The following SDK1 variants were observed in gnomAD, a reference collection of about 807,000 sequenced individuals.
SDK1 encodes protein sidekick-1.
A neutral mutation model predicts 245.5 loss-of-function variants in SDK1; 157 were observed. The ratio of observed to expected loss-of-function variants is 0.64; its 90% CI spans 0.56 to 0.73. SDK1 has a LOEUF of 0.73. Ranked by LOEUF, SDK1 falls within the 30% of genes least tolerant of loss-of-function variation. The pLI is 0.00. For synonymous variants in SDK1, 1,647 were observed against 1,278.5 expected, an observed-to-expected ratio of 1.29 and a Z score of -6.15; for missense variants, 3,583 against 3,002.3, an observed-to-expected ratio of 1.19 and a Z score of -4.52.
chr7:4,240,619 G>A (rs11770194), intron 42 of SDK1, among the ~76,000 whole-genome samples: 10,620 of 152,220 alleles, frequency 0.07, 459 homozygotes, highest in East Asian at 0.15. Context: ...AAATGCCAAC[G>A]CACTTAGCAA....
At chr7:4,242,992 G>A (rs1786626653) in intron 43 of SDK1, among the ~76,000 whole-genome samples, 1 of 152,224 alleles carries the variant, frequency 6.6e-6, no homozygotes, top group Non-Finnish European at 1.5e-5. Context: ...AGGGCTGGAG[G>A]TGGATGCTGG....
chr7:3,807,636 C>A (rs530934941), intron 4 of SDK1, among the ~76,000 whole-genome samples: 70 of 152,216 alleles, frequency 4.6e-4, no homozygotes, highest in Middle Eastern at 3.4e-3. Flanking sequence ...CTGTTAACCT[C>A]ACAACAAAGG....
At chr7:3,571,562 C>A (rs1477468162) in intron 1 of SDK1, among the ~76,000 whole-genome samples, 1 of 152,064 alleles carries the variant, frequency 6.6e-6, no homozygotes, top group African/African-American at 2.4e-5. Context: ...GCCTTAGCCT[C>A]CCAAAGTGTG....
At chr7:4,201,265 G>A (rs1393742360) in intron 35 of SDK1, among the ~76,000 whole-genome samples, 2 of 152,142 alleles carry the variant, frequency 1.3e-5, no homozygotes, top group East Asian at 1.9e-4. Context: ...AAGGCCTCCC[G>A]AGCTGCAGAG....
intron 20 of SDK1, among the ~76,000 whole-genome samples, chr7:4,069,349 C>G (rs1435565731): frequency 6.6e-6 from 1 of 152,232 alleles, no homozygotes; most frequent in Non-Finnish European, 1.5e-5. Context: ...GCCACTTAAT[C>G]TTCTTCTCTG....
At chr7:3,497,673 G>A (rs1365133799) in intron 1 of SDK1, among the ~76,000 whole-genome samples, 1 of 152,122 alleles carries the variant, frequency 6.6e-6, no homozygotes. Context: ...GTAGTAAGAT[G>A]GAGTAAAAGA....
chr7:3,934,890 C>T (rs1780101977), intron 5 of SDK1, among the ~76,000 whole-genome samples: 1 of 152,192 alleles, frequency 6.6e-6, no homozygotes, highest in Admixed American at 6.5e-5. Context: ...GAGCATTCAT[C>T]AGTGTGGTGA....
intron 5 of SDK1, among the ~76,000 whole-genome samples, chr7:3,879,935 T>C (rs1403931955): frequency 6.6e-6 from 1 of 152,124 alleles, no homozygotes; most frequent in African/African-American, 2.4e-5. Flanking sequence ...ATTTTTTTTT[T>C]CCTGCAGAAT....
chr7:3,472,323 G>A (rs373362690), intron 1 of SDK1, among the ~76,000 whole-genome samples: 1 of 151,992 alleles, frequency 6.6e-6, no homozygotes, highest in African/African-American at 2.4e-5. Flanking sequence ...TACTCATTTT[G>A]TGCAATTTTA....
intron 31 of SDK1, among the ~76,000 whole-genome samples, chr7:4,158,853 G>A (rs919939934): frequency 6.6e-6 from 1 of 152,238 alleles, no homozygotes; most frequent in Non-Finnish European, 1.5e-5. Flanking sequence ...TCAGCGGGTA[G>A]CTGGGTTTTA....
rs145855018 is a variant in SDK1, at chr7:3,415,470, G to A, written c.298+113586G>A. 3.4e-4 allele frequency among the ~76,000 whole-genome samples: 52 copies of A among 151,950 alleles called. No homozygotes were observed. In the East Asian group the frequency reaches 4.2e-3, roughly 12 times the overall value. ...AATGAGAAGTAGATTAAAAAACAAC[G>A]GTGAAAAATGATTAAAAAACAATGA... On this transcript the variant is annotated intron_variant, in intron 1 of 44. Coordinates refer to ENST00000404826, the MANE Select transcript of SDK1 (RefSeq NM_152744.4).
In SDK1 at chr7:3,971,685, G is replaced by A. The variant is rs918959556; in HGVS notation, c.1817+117G>A. The A allele has an allele frequency of 1.6e-4, 122 of 758,680 alleles. No individual in the cohort carries two copies. In the African/African-American group the frequency reaches 1.9e-3, roughly 12 times the overall value. 47.0% of individuals were successfully genotyped at this position (758,680 alleles called of 1,614,324 possible). ...CTTTTGATTTCAGCAGCAGGTCCCT[G>A]ATTACGGTATCTTCTGGTTGTGGGC... On this transcript the variant is annotated intron_variant, in intron 12 of 44. Transcript: ENST00000404826.
chr7:4,210,607 C>T (rs1003818194), intron 38 of SDK1, among the ~76,000 whole-genome samples: 1 of 152,174 alleles, frequency 6.6e-6, no homozygotes, highest in Non-Finnish European at 1.5e-5. Context: ...CTGGCATCCC[C>T]GTGTCTTAGC....
intron 1 of SDK1, among the ~76,000 whole-genome samples, chr7:3,494,699 G>T (rs888872454): frequency 1.3e-5 from 2 of 152,122 alleles, no homozygotes; most frequent in African/African-American, 4.8e-5. Flanking sequence ...GAATATATTG[G>T]GAAAACACTG....
chr7:3,975,276 A>G (rs938813774), intron 13 of SDK1, among the ~76,000 whole-genome samples: 18 of 152,182 alleles, frequency 1.2e-4, no homozygotes, highest in African/African-American at 4.3e-4. Flanking sequence ...CATGAGTACA[A>G]AAATAAAACC....
chr7:3,618,484 G>T (rs1254420029), intron 1 of SDK1, among the ~76,000 whole-genome samples: 1 of 152,182 alleles, frequency 6.6e-6, no homozygotes. Flanking sequence ...GTGTTGCTAT[G>T]TGTAGCAATT....
At chr7:3,814,431 G>A (rs1440602244) in intron 4 of SDK1, among the ~76,000 whole-genome samples, 14 of 151,274 alleles carry the variant, frequency 9.3e-5, no homozygotes, top group African/African-American at 2.9e-4. Flanking sequence ...GTAGGTATGC[G>A]GCGTTATTTC....
At chr7:3,685,629 A>T (rs1784259239) in intron 4 of SDK1, among the ~76,000 whole-genome samples, 1 of 152,196 alleles carries the variant, frequency 6.6e-6, no homozygotes. Flanking sequence ...TACTCAGTGA[A>T]TGTAGAAGAA....
rs115077024 is a variant in SDK1 at position 4,202,845 on chromosome 7, G to A, written c.5099-3034G>A. The stretch of plus-strand genomic sequence containing the variant: ...AGCAGAGGTTCCTAAACCCTGAGGT[G>A]AGGGGGCTGCAGCCCAGGCCTGCCA... On this transcript the variant is annotated intron_variant, in intron 35 of 44. Coordinates refer to ENST00000404826, the MANE Select transcript of SDK1 (RefSeq NM_152744.4). Among the ~76,000 whole-genome samples, 992 of 152,272 alleles carry A rather than the reference G, an allele frequency of 6.5e-3. 10 individuals are homozygous for A. The highest frequency in any genetic ancestry group is 0.023 in the African/African-American group (948 of 41,564).
Sources: gnomAD v4.1 joint callset for allele counts (sites outside exome capture counted in the v4.1 genomes callset) on GRCh38, gnomAD v4.1.1 for gene constraint, MANE v1.5 for transcripts, NCBI Gene and HGNC (gene_info 2026-07-23, HGNC 2026-07-21) for gene names.